Variants in MGMT observed in about 807,000 individuals in gnomAD.
MGMT encodes the protein O-6-methylguanine-DNA methyltransferase.
Under a neutral mutation model 15.9 loss-of-function variants are expected in MGMT, and 14 were observed. The ratio of observed to expected loss-of-function variants is 0.88; its 90% confidence interval spans 0.58 to 1.37. The LOEUF (loss-of-function observed/expected upper bound fraction) is 1.37. MGMT is among the 40% of genes most tolerant of loss of function. The probability of loss-of-function intolerance (pLI) is 0.00; values close to 1 mark genes in which losing one functional copy is unlikely to be tolerated. For missense variants in MGMT, 282 were observed against 268.1 expected, an observed-to-expected ratio of 1.05 and a Z score of -0.36; for synonymous variants, 130 against 118.2, an observed-to-expected ratio of 1.10 and a Z score of -0.65.
At chr10:129,724,007 A>G (rs76872877) in intron 3 of MGMT, among the ~76,000 whole-genome samples, 3,339 of 152,312 alleles carry the variant, frequency 0.022, 132 homozygotes, top group African/African-American at 0.076. Context: ...CTACCCAACA[A>G]TTCCACTCTA....
intron 2 of MGMT, among the ~76,000 whole-genome samples, chr10:129,671,789 A>G (rs1470246912): frequency 7.2e-5 from 11 of 152,240 alleles, no homozygotes; most frequent in Admixed American, 7.2e-4. Context: ...AAGTTCTGAC[A>G]TAACATCTTC....
intron 1 of MGMT, among the ~76,000 whole-genome samples, chr10:129,503,107 A>ATT (rs762740639): frequency 8.0e-4 from 119 of 148,892 alleles, no homozygotes; most frequent in South Asian, 1.5e-3. Context: ...CACTGCTTGG[A>ATT]TTTTTTTTTT....
chr10:129,605,478 T>C (rs533013253), intron 2 of MGMT, among the ~76,000 whole-genome samples: 56 of 152,314 alleles, frequency 3.7e-4, no homozygotes, highest in Non-Finnish European at 4.4e-5. Flanking sequence ...CTTATTCATA[T>C]TGTAGGTTTC....
intron 1 of MGMT, among the ~76,000 whole-genome samples, chr10:129,468,376 A>G (rs1589824213): frequency 6.6e-6 from 1 of 152,120 alleles, no homozygotes; most frequent in African/African-American, 2.4e-5. Context: ...GTTAACTCAG[A>G]GGGCCAGGAT....
chr10:129,470,144 T>A (rs1243475592), intron 1 of MGMT, among the ~76,000 whole-genome samples: 2 of 152,166 alleles, frequency 1.3e-5, no homozygotes, highest in Admixed American at 1.3e-4. Flanking sequence ...TTCGCCCCAC[T>A]CTTGTTTTGA....
rs7073057 is a variant in MGMT, at chr10:129,485,815, A to G, written c.-13+18519A>G. On this transcript the variant is annotated intron_variant, in intron 1 of 4. Coordinates refer to ENST00000651593, the MANE Select transcript of MGMT (RefSeq NM_002412.5). ...TTATTAGTGGACTCATAAAAATAAAAGAGAGGCCTGCTGGGCTGTTACCAG... is the reference window on the plus strand; with the variant it reads ...TTATTAGTGGACTCATAAAAATAAAGGAGAGGCCTGCTGGGCTGTTACCAG... 5.0e-3 allele frequency among the ~76,000 whole-genome samples: 759 copies of G among 152,328 alleles called. 11 individuals carry two copies. Among genetic ancestry groups the G allele is most frequent in the African/African-American group, 0.018 (732 of 41,566 alleles).
At chr10:129,579,515 G>A (rs921483921) in intron 2 of MGMT, among the ~76,000 whole-genome samples, 4 of 152,228 alleles carry the variant, frequency 2.6e-5, no homozygotes, top group East Asian at 1.9e-4. Flanking sequence ...CCATGCCTGC[G>A]GCACTTTGGA....
intron 2 of MGMT, among the ~76,000 whole-genome samples, chr10:129,554,868 C>T (rs761625970): frequency 2.6e-5 from 4 of 152,186 alleles, no homozygotes; most frequent in Non-Finnish European, 5.9e-5. Flanking sequence ...GGTGTGAACG[C>T]TGTCTCCGGA....
intron 1 of MGMT, among the ~76,000 whole-genome samples, chr10:129,477,135 C>T (rs531770647): frequency 6.6e-6 from 1 of 152,266 alleles, no homozygotes; most frequent in Admixed American, 6.5e-5. Flanking sequence ...TCTGCTCTAT[C>T]CTCAGGGAAC....
chr10:129,571,545 A>G (rs1312935789), intron 2 of MGMT, among the ~76,000 whole-genome samples: 1 of 152,202 alleles, frequency 6.6e-6, no homozygotes, highest in African/African-American at 2.4e-5. Context: ...CAAGGAGGCA[A>G]TCTTTCATTT....
chr10:129,590,078 G>A (rs758523445), intron 2 of MGMT, among the ~76,000 whole-genome samples: 1 of 152,180 alleles, frequency 6.6e-6, no homozygotes, highest in Non-Finnish European at 1.5e-5. Flanking sequence ...CAGGCCATGG[G>A]TTCCCTGTTA....
chr10:129,509,759 A>G (rs1024991055), intron 1 of MGMT, among the ~76,000 whole-genome samples: 1 of 152,236 alleles, frequency 6.6e-6, no homozygotes, highest in African/African-American at 2.4e-5. Flanking sequence ...TGAAATCTAT[A>G]TATGTAATTT....
intron 3 of MGMT, among the ~76,000 whole-genome samples, chr10:129,709,396 G>A (rs1331549228): frequency 6.6e-6 from 1 of 152,210 alleles, no homozygotes; most frequent in Admixed American, 6.5e-5. Context: ...GGATGTTGCT[G>A]AATGGCCCAA....
chr10:129,512,626 T>C (rs1019749065), intron 1 of MGMT, among the ~76,000 whole-genome samples: 6 of 152,220 alleles, frequency 3.9e-5, no homozygotes, highest in African/African-American at 1.4e-4. Context: ...TCAATGTCAC[T>C]AAACAACTCT....
intron 2 of MGMT, among the ~76,000 whole-genome samples, chr10:129,706,199 T>A (rs1372617580): frequency 6.6e-6 from 1 of 152,196 alleles, no homozygotes; most frequent in African/African-American, 2.4e-5. Flanking sequence ...AGGCCTCCAC[T>A]CTGCGTCTAC....
chr10:129,743,943 G>A (rs1007210510), intron 3 of MGMT, among the ~76,000 whole-genome samples: 6 of 152,314 alleles, frequency 3.9e-5, no homozygotes, highest in African/African-American at 9.6e-5. Flanking sequence ...TGGAGGCCCC[G>A]CAGCGCTCAT....
At chr10:129,595,486 G>C (rs540001459) in intron 2 of MGMT, among the ~76,000 whole-genome samples, 1 of 152,116 alleles carries the variant, frequency 6.6e-6, no homozygotes, top group Admixed American at 6.5e-5. Context: ...CTGATCCCCC[G>C]TGCCACAGAC....
At chr10:129,509,372 GCCC>G in intron 1 of MGMT, among the ~76,000 whole-genome samples, 1 of 152,150 alleles carries the variant, frequency 6.6e-6, no homozygotes, top group Non-Finnish European at 1.5e-5. Context: ...CACACACCAG[GCCC>G]TGCACACGGT....
intron 2 of MGMT, among the ~76,000 whole-genome samples, chr10:129,651,975 A>G (rs1012058612): frequency 3.9e-5 from 6 of 152,314 alleles, no homozygotes; most frequent in Non-Finnish European, 7.3e-5. Flanking sequence ...TGTGATGTTC[A>G]GCGTTGGCCA....
Sources: allele counts gnomAD v4.1 joint callset (sites outside exome capture counted in the v4.1 genomes callset), GRCh38; gene constraint gnomAD v4.1.1; transcripts MANE v1.5; gene names NCBI Gene and HGNC (gene_info 2026-07-23, HGNC 2026-07-21).